Variants in DLGAP2 observed in about 807,000 individuals in gnomAD.
DLGAP2 encodes the protein DLG associated protein 2.
DLGAP2 carries 26 observed loss-of-function variants against 100.3 expected under a neutral mutation model. The ratio of observed to expected loss-of-function variants is 0.26; its 90% confidence interval spans 0.19 to 0.36. The LOEUF (loss-of-function observed/expected upper bound fraction) is 0.36, where lower values mean the gene tolerates loss of function less well. DLGAP2 is among the 10% of genes least tolerant of loss of function. The probability of loss-of-function intolerance (pLI) is 1.00; values close to 1 mark genes in which losing one functional copy is unlikely to be tolerated. For synonymous variants in DLGAP2, 886 were observed against 630.1 expected (o/e 1.41, Z -6.08); for missense variants, 1,858 against 1,453.2 (o/e 1.28, Z -4.53).
At chr8:1,484,525 G>C (rs1029911772) in intron 3 of DLGAP2, among the ~76,000 whole-genome samples, 1 of 152,200 alleles carries the variant, frequency 6.6e-6, no homozygotes. Flanking sequence ...TTTTGATCAC[G>C]ACGGCTGAGG....
intron 2 of DLGAP2, among the ~76,000 whole-genome samples, chr8:1,176,847 C>T (rs1017679135): frequency 8.5e-5 from 13 of 152,138 alleles, no homozygotes; most frequent in African/African-American, 3.1e-4. Context: ...CTTCTTTCCA[C>T]CCTCTCATGG....
At chr8:1,120,360 C>G (rs1303611946) in intron 2 of DLGAP2, among the ~76,000 whole-genome samples, 1 of 152,204 alleles carries the variant, frequency 6.6e-6, no homozygotes, top group African/African-American at 2.4e-5. Flanking sequence ...AAGGGGCACC[C>G]CTTCAGAATT....
chr8:1,169,962 GTT>G (rs1440217369), intron 2 of DLGAP2, among the ~76,000 whole-genome samples: 1 of 151,896 alleles, frequency 6.6e-6, no homozygotes, highest in Non-Finnish European at 1.5e-5. Flanking sequence ...TCTTGTGCCA[GTT>G]TTCAAAGGGA....
At chr8:1,140,521 C>A (rs972331185) in intron 2 of DLGAP2, among the ~76,000 whole-genome samples, 4 of 152,122 alleles carry the variant, frequency 2.6e-5, no homozygotes, top group African/African-American at 4.8e-5. Flanking sequence ...GGGCTCTGGC[C>A]CTCATCCTCC....
chr8:1,272,299 A>G lies in DLGAP2; in HGVS notation c.106+13416A>G, dbSNP rs145721043. Among the ~76,000 whole-genome samples the G allele has an allele frequency of 6.9e-3, 1,058 of 152,300 alleles. 12 individuals carry two copies. The highest frequency in any genetic ancestry group is 0.023 in the African/African-American group (969 of 41,576). On this transcript the variant is annotated intron_variant, in intron 3 of 14. Coordinates refer to ENST00000637795, the MANE Select transcript of DLGAP2 (RefSeq NM_001346810.2). ...CATTTTATGTGAGTGAATGTAGACA[A>G]TGCATAGCGGGTCCAGAGTGTGCAA...
At chr8:1,355,102 G>T (rs974233323) in intron 3 of DLGAP2, among the ~76,000 whole-genome samples, 2 of 152,252 alleles carry the variant, frequency 1.3e-5, no homozygotes, top group African/African-American at 4.8e-5. Context: ...TGTGGATGAA[G>T]GTGGAAAGTC....
chr8:1,463,360 C>G (rs1798514684), intron 3 of DLGAP2, among the ~76,000 whole-genome samples: 1 of 152,236 alleles, frequency 6.6e-6, no homozygotes, highest in Non-Finnish European at 1.5e-5. Flanking sequence ...TTACGTGTGT[C>G]ATAAAATACA....
chr8:1,601,177 G>C lies in DLGAP2; in HGVS notation c.1443-25563G>C, dbSNP rs796740671. 1.8e-4 allele frequency among the ~76,000 whole-genome samples: 28 copies of C among 152,358 alleles called. 1 individual carries two copies. Among genetic ancestry groups the C allele is most frequent in the African/African-American group, 6.7e-4 (28 of 41,578 alleles). On this transcript the variant is annotated intron_variant, in intron 6 of 14. Transcript: ENST00000637795. ...TTGCTAGAGGTCCACTCCAGACCCTGTTTGCCTGGGTATCACCAGTGGAGG... is the reference window on the plus strand; with the variant it reads ...TTGCTAGAGGTCCACTCCAGACCCTCTTTGCCTGGGTATCACCAGTGGAGG...
chr8:1,282,494 C>A (rs1446883977), intron 3 of DLGAP2, among the ~76,000 whole-genome samples: 1 of 129,138 alleles, frequency 7.7e-6, no homozygotes, highest in East Asian at 2.8e-4. Context: ...GAACCCAGCA[C>A]GTGAACCATC....
intron 2 of DLGAP2, among the ~76,000 whole-genome samples, chr8:1,116,733 C>T (rs188872367): frequency 3.9e-5 from 6 of 151,914 alleles, no homozygotes; most frequent in Admixed American, 3.9e-4. Context: ...TTCAGGAGGT[C>T]AAGGCTACAG....
intron 6 of DLGAP2, among the ~76,000 whole-genome samples, chr8:1,583,057 A>G (rs1456332256): frequency 6.6e-6 from 1 of 152,220 alleles, no homozygotes; most frequent in African/African-American, 2.4e-5. Flanking sequence ...AGTGAATCTT[A>G]TGAAACAATG....
At chr8:1,313,764 G>A (rs1290952826) in intron 3 of DLGAP2, among the ~76,000 whole-genome samples, 1 of 151,950 alleles carries the variant, frequency 6.6e-6, no homozygotes. Flanking sequence ...GATGTAGGAA[G>A]GCTGAATTAT....
At chr8:1,153,561 T>C (rs2129051783) in intron 2 of DLGAP2, among the ~76,000 whole-genome samples, 1 of 152,326 alleles carries the variant, frequency 6.6e-6, no homozygotes. Context: ...ATTAACCTGT[T>C]TTTATCCTCT....
intron 2 of DLGAP2, among the ~76,000 whole-genome samples, chr8:1,046,809 T>C (rs967187254): frequency 1.3e-5 from 2 of 152,206 alleles, no homozygotes; most frequent in Non-Finnish European, 2.9e-5. Context: ...TTAAATTTTC[T>C]GCTGAATTTG....
intron 2 of DLGAP2, among the ~76,000 whole-genome samples, chr8:1,243,847 C>A (rs554202355): frequency 3.8e-4 from 58 of 152,330 alleles, no homozygotes; most frequent in Middle Eastern, 3.4e-3. Flanking sequence ...TTTCTTCAGG[C>A]CCCTGAGTAA....
chr8:1,534,152 A>G (rs1801077062), intron 4 of DLGAP2, among the ~76,000 whole-genome samples: 1 of 152,222 alleles, frequency 6.6e-6, no homozygotes, highest in Non-Finnish European at 1.5e-5. Flanking sequence ...TAAAAGAGAA[A>G]GATTGATTGG....
chr8:1,372,384 G>A (rs990078775), intron 3 of DLGAP2, among the ~76,000 whole-genome samples: 4 of 152,194 alleles, frequency 2.6e-5, no homozygotes, highest in Non-Finnish European at 4.4e-5. Context: ...CTCTGCAGGC[G>A]AGCAAAGCAG....
At chr8:1,317,418 T>C in intron 3 of DLGAP2, among the ~76,000 whole-genome samples, 1 of 140,308 alleles carries the variant, frequency 7.1e-6, no homozygotes, top group East Asian at 2.2e-4. Context: ...CCAACAGTGG[T>C]CTACACTCGA....
chr8:1,347,197 G>A (rs1402225344), intron 3 of DLGAP2, among the ~76,000 whole-genome samples: 1 of 151,898 alleles, frequency 6.6e-6, no homozygotes, highest in African/African-American at 2.4e-5. Flanking sequence ...TGGCGGCTGT[G>A]TGGAGGTAGA....
Sources: allele counts gnomAD v4.1 joint callset (sites outside exome capture counted in the v4.1 genomes callset), GRCh38; gene constraint gnomAD v4.1.1; transcripts MANE v1.5; gene names NCBI Gene and HGNC (gene_info 2026-07-23, HGNC 2026-07-21).